The following NOP2 variants were observed in gnomAD, a reference collection of about 807,000 sequenced individuals.
The protein encoded by NOP2 is 28S rRNA (cytosine(4447)-C(5))-methyltransferase.
Under a neutral mutation model 72.7 loss-of-function variants are expected in NOP2, and 7 were observed. That is an observed-to-expected ratio of 0.10 (90% confidence interval 0.05 to 0.18). The LOEUF (loss-of-function observed/expected upper bound fraction) is 0.18, where lower values mean the gene tolerates loss of function less well. Among genes scored for constraint, NOP2 ranks in the 10% least tolerant of loss-of-function variants. NOP2 has a pLI of 1.00. For synonymous variants in NOP2, 387 were observed against 388.0 expected (o/e 1.00, Z 0.03); for missense variants, 954 against 1,014.7 (o/e 0.94, Z 0.81).
intron 9 of NOP2, among the ~76,000 whole-genome samples, chr12:6,562,281 G>A (rs916022903): frequency 1.3e-4 from 20 of 152,144 alleles, no homozygotes; most frequent in East Asian, 1.9e-4. Context: ...TTGAGTCACC[G>A]CGCCCGGTAG....
At position 6,557,489 on chromosome 12, in the gene NOP2, TG is replaced by T; in HGVS notation, c.1942del (p.Gln648ArgfsTer3). On this transcript the variant is annotated frameshift_variant, in exon 16 of 16. Transcript: ENST00000322166. LOFTEE classifies it low-confidence loss of function (END_TRUNC). ...KQQHPKKASFQKLNGISKGAD... is the reference protein window; with the variant it reads ...KQQHPKKASFXKLNGISKGAD... ...CCCTTTGGAGATGCCATTCAGCTTC[TG>T]GAAGGAGGCCTTCTTGGGATGTTGC... is the stretch of plus-strand genomic sequence containing the variant. The T allele has an allele frequency of 6.2e-7, 1 of 1,614,028 alleles. No homozygotes were observed. The highest frequency in any genetic ancestry group is 8.5e-7 in the Non-Finnish European group (1 of 1,179,898).
intron 5 of NOP2, among the ~76,000 whole-genome samples, chr12:6,564,856 A>G (rs531511090): frequency 6.6e-6 from 1 of 151,930 alleles, no homozygotes; most frequent in Non-Finnish European, 1.5e-5. Flanking sequence ...TGACCAGTGT[A>G]ACTGCATCAT....
At chr12:6,566,660 A>AT (rs762316605) in intron 3 of NOP2, 43 bp from the exon 4 acceptor site, 1 of 1,602,612 alleles carries the variant, frequency 6.2e-7, no homozygotes, top group East Asian at 2.2e-5. Flanking sequence ...AAATGGGAAG[A>AT]TACTTCCAGG....
intron 15 of NOP2, among the ~76,000 whole-genome samples, chr12:6,558,550 C>T (rs972246106): frequency 1.3e-5 from 2 of 152,036 alleles, no homozygotes; most frequent in African/African-American, 2.4e-5. Flanking sequence ...CAGGCGCGAG[C>T]CACCACGCCC....
Position 6,557,368 on chromosome 12 carries a change from C to G in NOP2, c.2064G>C (p.Gly688=). 6.2e-7 allele frequency: 1 copy of G among 1,614,036 alleles called. No homozygotes were observed. Among genetic ancestry groups the G allele is most frequent in the Non-Finnish European group, 8.5e-7 (1 of 1,179,888 alleles). ...DSSQPAGKAE[G]IREPKVTGKL... ...TCCCAGTCACCTTTGGCTCCCTGAT[C>G]CCTTCGGCTTTTCCAGCTGGCTGAC... Residue 688 remains glycine (G), a synonymous_variant, in exon 16 of 16, where the codon GGG becomes GGC. Transcript: ENST00000322166.
Position 6,560,692 on chromosome 12 carries a change from C to G in NOP2, c.1437+6G>C. 6.2e-7 allele frequency: 1 copy of G among 1,613,456 alleles called. No homozygotes were observed. ...CCTCTCAGGGGCCCACCACCTGACT[C>G]CTCACCTTGTTAGTCTTCACGGCTG... On this transcript the variant is annotated splice_donor_region_variant and intron_variant, in intron 13 of 15. Coordinates refer to ENST00000322166, the MANE Select transcript of NOP2 (RefSeq NM_001258308.2). The surrounding 1 kb of genome is among the most constrained non-coding windows in gnomAD (Gnocchi z 5.0).
intron 5 of NOP2, chr12:6,564,363 G>GA (rs75465407): frequency 0.033 from 4,819 of 148,016 alleles, 1 homozygote; most frequent in South Asian, 0.14. Context: ...TTTCCATTAA[G>GA]AAAAAAAAAA....
At chr12:6,558,763 G>A (rs1310881292) in intron 15 of NOP2, among the ~76,000 whole-genome samples, 1 of 151,322 alleles carries the variant, frequency 6.6e-6, no homozygotes, top group Admixed American at 6.6e-5. Flanking sequence ...GTCTCCCTTT[G>A]TTGCCCAGAC....
At chr12:6,566,065 G>C in intron 5 of NOP2, 36 bp downstream of exon 5, 1 of 1,514,356 alleles carries the variant, frequency 6.6e-7, no homozygotes, top group Middle Eastern at 1.7e-4. Flanking sequence ...AAATAGCAAG[G>C]ATCCTTCTAT....
At chr12:6,565,770 C>G (rs761247787) in intron 5 of NOP2, among the ~76,000 whole-genome samples, 8 of 152,202 alleles carry the variant, frequency 5.3e-5, no homozygotes, top group Non-Finnish European at 8.8e-5. Flanking sequence ...GCACCATACC[C>G]AGCCAAAAGG....
intron 9 of NOP2, 22 bp downstream of exon 9, chr12:6,563,059 A>G (rs1408635903): frequency 1.1e-5 from 17 of 1,560,638 alleles, no homozygotes; most frequent in Non-Finnish European, 1.2e-5. Context: ...GAGATGAGTG[A>G]GCCTCAAAGG....
At chr12:6,566,042 T>C in intron 5 of NOP2, 59 bp downstream of exon 5, 1 of 1,412,104 alleles carries the variant, frequency 7.1e-7, no homozygotes, top group Non-Finnish European at 9.8e-7. Context: ...CTCAAGAATC[T>C]GGGAAAGAAA....
Position 6,560,688 on chromosome 12 carries a change from G to A in NOP2, c.1437+10C>T. 6.2e-7 allele frequency: 1 copy of A among 1,613,228 alleles called. No individual in the cohort carries two copies. The highest frequency in any genetic ancestry group is 8.5e-7 in the Non-Finnish European group (1 of 1,179,584). On this transcript the variant is annotated intron_variant, in intron 13 of 15. Coordinates refer to ENST00000322166, the MANE Select transcript of NOP2 (RefSeq NM_001258308.2). This position sits in a 1 kb window ranked among gnomAD's most constrained non-coding sequence, Gnocchi z 5.0. ...AAGGCCTCTCAGGGGCCCACCACCT[G>A]ACTCCTCACCTTGTTAGTCTTCACG...
At chr12:6,568,051 C>CCGACTCAGCACCCG (rs977723720) in intron 1 of NOP2, 129 bp from the exon 2 acceptor site, 5 of 660,402 alleles carry the variant, frequency 7.6e-6, no homozygotes, top group African/African-American at 7.3e-5. Context: ...CTCAGCACTC[C>CCGACTCAGCACCCG]CGACTCAGCA....
intron 5 of NOP2, chr12:6,564,157 T>C: frequency 1.4e-6 from 2 of 1,416,012 alleles, no homozygotes; most frequent in South Asian, 2.4e-5. Context: ...CACCTGTAAA[T>C]CCCAGCTACT....
rs1947778315 is a variant in NOP2, at chr12:6,566,298, C to T, written c.277G>A (p.Gly93Arg). The T allele has an allele frequency of 6.2e-7, 1 of 1,613,852 alleles. No individual in the cohort carries two copies. The highest frequency in any genetic ancestry group is 8.5e-7 in the Non-Finnish European group (1 of 1,179,882). ...AGAVQTAGKK[G>R]PQSLFNAPRG... is the part of the protein sequence containing the mutation. ...GGAGCATTAAATAGGGACTGGGGTC[C>T]CTTCTTACCAGCTGTCTGGACAGCT... The change falls in exon 5 of 16, where the codon GGA (glycine) becomes AGA (arginine). Residue 93 changes from glycine (G) to arginine (R), a missense_variant. This residue lies in a region of NOP2 where 498 missense variants were observed against 478.3 expected (regional missense o/e 1.04). Coordinates refer to ENST00000322166, the MANE Select transcript of NOP2 (RefSeq NM_001258308.2).
chr12:6,564,335 A>G (rs1371284605), intron 5 of NOP2: 2 of 191,830 alleles, frequency 1.0e-5, no homozygotes, highest in Non-Finnish European at 2.2e-5. Context: ...TTTTCTTTCT[A>G]CTATTATGTT....
At position 6,560,785 on chromosome 12, in the gene NOP2, C is replaced by A; in HGVS notation, c.1350G>T (p.Val450=). The change falls in exon 13 of 16, where the codon GTG becomes GTT. Residue 450 remains valine, a splice_region_variant and synonymous_variant. Transcript: ENST00000322166. The surrounding 1 kb of genome is among the most constrained non-coding windows in gnomAD (Gnocchi z 5.0). ...GCAGTACTCGGTCAAAGCCCCCCAC[C>A]ACCTGGAGAAAAGATACAGATGAAT... is the stretch of plus-strand genomic sequence containing the variant. ...SHYDGRQFPK[V]VGGFDRVLLD... The A allele has an allele frequency of 1.9e-6, 3 of 1,612,798 alleles. No individual in the cohort carries two copies. In the South Asian group the frequency reaches 3.3e-5, roughly 18 times the overall value.
intron 15 of NOP2, among the ~76,000 whole-genome samples, 196 bp downstream of exon 15, chr12:6,559,902 T>G (rs1947598848): frequency 6.6e-6 from 1 of 152,176 alleles, no homozygotes; most frequent in Admixed American, 6.5e-5. Context: ...ATATGAACAC[T>G]TTAGCCTGTT....
Sources: gnomAD v4.1 joint callset for allele counts (sites outside exome capture counted in the v4.1 genomes callset) on GRCh38, gnomAD v4.1.1 for gene constraint, gnomAD v4.1.1 regional missense constraint, Gnocchi (gnomAD v3.1) non-coding constraint, MANE v1.5 for transcripts, NCBI Gene and HGNC (gene_info 2026-07-23, HGNC 2026-07-21) for gene names.